ITGAM: variants seen among roughly 807,000 people sequenced by gnomAD.
ITGAM encodes the protein integrin subunit alpha M.
ITGAM carries 79 observed loss-of-function variants against 137.5 expected under a neutral mutation model. The ratio of observed to expected loss-of-function variants is 0.57; its 90% CI spans 0.48 to 0.69. ITGAM has a LOEUF of 0.69. Among genes scored for constraint, ITGAM ranks in the 30% least tolerant of loss-of-function variants. The pLI, the probability that ITGAM is intolerant of heterozygous loss-of-function variation, is 0.00. For synonymous variants in ITGAM, 583 were observed against 592.3 expected (o/e 0.98, Z 0.23); for missense variants, 1,343 against 1,483.5 (o/e 0.91, Z 1.56).
At chr16:31,278,217 C>A in intron 12 of ITGAM, 108 bp downstream of exon 12, 1 of 1,224,974 alleles carries the variant, frequency 8.2e-7, no homozygotes, top group Non-Finnish European at 1.1e-6. Context: ...GTAAAGGAGG[C>A]TTTGGGGGCT....
At chr16:31,319,240 T>G (rs1196889065) in intron 14 of ITGAM, among the ~76,000 whole-genome samples, 1 of 99,722 alleles carries the variant, frequency 1.0e-5, no homozygotes, top group Non-Finnish European at 2.0e-5. Flanking sequence ...CTCCCTTGGG[T>G]TTTTTTTTTG....
intron 14 of ITGAM, among the ~76,000 whole-genome samples, chr16:31,320,739 C>A (rs1018178424): frequency 6.6e-6 from 1 of 152,202 alleles, no homozygotes; most frequent in Admixed American, 6.5e-5. Flanking sequence ...TTTTACCCCC[C>A]ATTCACGCCT....
At chr16:31,317,871 A>G (rs2080408388) in intron 14 of ITGAM, among the ~76,000 whole-genome samples, 1 of 152,090 alleles carries the variant, frequency 6.6e-6, no homozygotes, top group Admixed American at 6.6e-5. Flanking sequence ...GCATGTAGTG[A>G]TCTTTTCTCA....
Position 31,310,028 on chromosome 16 carries a change from G to A in ITGAM, c.1708-11213G>A, listed in dbSNP as rs908188166. 4.0e-5 allele frequency among the ~76,000 whole-genome samples: 6 copies of A among 150,970 alleles called. No homozygotes were observed. In the East Asian group the frequency reaches 9.8e-4, roughly 25 times the overall value. ...AGTTTCTGCTGAGAGAGAAAGTTCG[G>A]GTTACCCACAAAGGGAAGCCCATCA... is the stretch of plus-strand genomic sequence containing the variant. On this transcript the variant is annotated intron_variant, in intron 14 of 29. Coordinates refer to ENST00000544665, the MANE Select transcript of ITGAM (RefSeq NM_000632.4).
At chr16:31,297,444 CAG>C in intron 12 of ITGAM, 68 bp from the exon 13 acceptor site, 2 of 1,597,692 alleles carry the variant, frequency 1.3e-6, no homozygotes, top group South Asian at 1.1e-5. Flanking sequence ...AACTTTTCTT[CAG>C]AGAGAGAAAA....
intron 14 of ITGAM, among the ~76,000 whole-genome samples, chr16:31,299,688 A>G (rs957180458): frequency 2.3e-4 from 35 of 152,300 alleles, no homozygotes; most frequent in African/African-American, 8.4e-4. Flanking sequence ...TTCACTTAGA[A>G]TAACGTCCTC....
chr16:31,291,118 A>G (rs2080082717), intron 12 of ITGAM, among the ~76,000 whole-genome samples: 1 of 152,202 alleles, frequency 6.6e-6, no homozygotes, highest in Admixed American at 6.5e-5. Flanking sequence ...CGAATATTAT[A>G]GTTCCAATAT....
rs41495550 is a variant in ITGAM at position 31,322,528 on chromosome 16, A to G, written c.2002+901A>G. 3.5e-3 allele frequency among the ~76,000 whole-genome samples: 537 copies of G among 152,326 alleles called. 6 individuals carry two copies. Among genetic ancestry groups the G allele is most frequent in the African/African-American group, 0.012 (511 of 41,586 alleles). The stretch of plus-strand genomic sequence containing the variant: ...AGTAGAAAACAGCAACTGAAAAGCC[A>G]AAGAGCTGATCAGAGAATTCAGCAG... On this transcript the variant is annotated intron_variant, in intron 16 of 29. Transcript: ENST00000544665.
chr16:31,286,196 T>C (rs1346660023), intron 12 of ITGAM, among the ~76,000 whole-genome samples: 1 of 152,062 alleles, frequency 6.6e-6, no homozygotes, highest in Non-Finnish European at 1.5e-5. Flanking sequence ...TTTTTTATGG[T>C]GGCGTAGTAT....
At position 31,331,533 on chromosome 16, in the gene ITGAM, G is replaced by A. The variant is rs556141530; in HGVS notation, c.3388-103G>A. 1.6e-4 allele frequency: 107 copies of A among 656,282 alleles called. 1 individual carries two copies. The African/African-American group carries it at 1.8e-3, about 11-fold the overall frequency. 40.7% of individuals were successfully genotyped at this position (656,282 alleles called of 1,614,324 possible). On this transcript the variant is annotated intron_variant, in intron 29 of 29. Transcript: ENST00000544665. ...ACTCCCCTCCCGCCCCGCCCTCCTGGGTCCCTTCTGTCTCTGCCGGCCCTC... is the reference window on the plus strand; with the variant it reads ...ACTCCCCTCCCGCCCCGCCCTCCTGAGTCCCTTCTGTCTCTGCCGGCCCTC...
Position 31,278,034 on chromosome 16 carries a change from G to C in ITGAM, c.1281G>C (p.Gln427His). The C allele has an allele frequency of 6.2e-7, 1 of 1,607,490 alleles. No individual in the cohort carries two copies. The highest frequency in any genetic ancestry group is 1.1e-5 in the South Asian group (1 of 89,594). ...TGGTTCTGGGGGCACCTCGATATCAGCACATCGGCCTGGTAGCGATGTTCA... is the reference window on the plus strand; with the variant it reads ...TGGTTCTGGGGGCACCTCGATATCACCACATCGGCCTGGTAGCGATGTTCA... ...QSLVLGAPRY[Q>H]HIGLVAMFRQ... The change falls in exon 12 of 30, where the codon CAG becomes CAC. Residue 427 changes from glutamine (Q) to histidine (H), a missense_variant. Gln to His is a conservative substitution (Grantham distance 24, BLOSUM62 0). Coordinates refer to ENST00000544665, the MANE Select transcript of ITGAM (RefSeq NM_000632.4).
In ITGAM at chr16:31,330,125, C is replaced by T. The variant is rs1450678529; in HGVS notation, c.3021C>T (p.His1007=). The change falls in exon 26 of 30, where the codon CAC becomes CAT. Residue 1007 remains histidine, a synonymous_variant. Coordinates refer to ENST00000544665, the MANE Select transcript of ITGAM (RefSeq NM_000632.4). ...TCHTKERLPS[H]SDFLAELRKA... ...ACACCAAGGAGCGCTTGCCCTCTCA[C>T]TCCGACTTTCTGGCTGAGCTTCGGA... 6.2e-7 allele frequency: 1 copy of T among 1,613,750 alleles called. No homozygotes were observed. Among genetic ancestry groups the T allele is most frequent in the African/African-American group, 1.3e-5 (1 of 74,934 alleles).
At chr16:31,282,952 G>A (rs1367945502) in intron 12 of ITGAM, among the ~76,000 whole-genome samples, 5 of 152,170 alleles carry the variant, frequency 3.3e-5, no homozygotes, top group African/African-American at 1.2e-4. Flanking sequence ...TGTCTGTAAA[G>A]TATTTTATTT....
rs2080479233 is a variant in ITGAM, at chr16:31,324,122, GAAGGAAGGA to G, written c.2003-264_2003-256del. Among the ~76,000 whole-genome samples, 2 of 148,860 alleles carry G rather than the reference GAAGGAAGGA, an allele frequency of 1.3e-5. No homozygotes were observed. Among genetic ancestry groups the G allele is most frequent in the African/African-American group, 5.0e-5 (2 of 40,322 alleles). On this transcript the variant is annotated intron_variant, in intron 16 of 29. Coordinates refer to ENST00000544665, the MANE Select transcript of ITGAM (RefSeq NM_000632.4). This position sits in a 1 kb window ranked among gnomAD's most constrained non-coding sequence, Gnocchi z 4.5. ...GAAGAAAAGGAAGGAAGGAAGAAGGGAAGGAAGGAAAGGAAGGAAAGTAGGAAAGGAAGG... is the reference window on the plus strand; with the variant it reads ...GAAGAAAAGGAAGGAAGGAAGAAGGGAAGGAAGGAAAGTAGGAAAGGAAGG...
intron 14 of ITGAM, among the ~76,000 whole-genome samples, chr16:31,306,558 C>T (rs2080266838): frequency 1.3e-5 from 2 of 150,964 alleles, no homozygotes; most frequent in South Asian, 4.2e-4. Flanking sequence ...CTGTTGCCCA[C>T]ACTGGAGTAC....
chr16:31,305,477 G>A (rs960215076), intron 14 of ITGAM, among the ~76,000 whole-genome samples: 1 of 151,964 alleles, frequency 6.6e-6, no homozygotes, highest in Non-Finnish European at 1.5e-5. Flanking sequence ...GATTTGGCTG[G>A]GACTTTCAGT....
At position 31,265,985 on chromosome 16, in the gene ITGAM, G is replaced by A. The variant is rs2038726453; in HGVS notation, c.310-45G>A. 7 of 1,597,722 alleles carry A rather than the reference G, an allele frequency of 4.4e-6. No individual in the cohort carries two copies. In the Admixed American group the frequency reaches 1.0e-4, roughly 23 times the overall value. On this transcript the variant is annotated intron_variant, in intron 4 of 29. Coordinates refer to ENST00000544665, the MANE Select transcript of ITGAM (RefSeq NM_000632.4). ...GAGGGTGGAGGTGCTGGGGTACAAG[G>A]ACAGGAAGCAGGGGCAGCCCCTTCC...
intron 29 of ITGAM, 81 bp from the exon 30 acceptor site, chr16:31,331,555 C>T (rs1378913235): frequency 6.2e-6 from 5 of 801,366 alleles, no homozygotes; most frequent in Non-Finnish European, 1.0e-5. Flanking sequence ...CTCTGCCGGC[C>T]CTCCCGCCCC....
chr16:31,286,068 T>C (rs1428727185), intron 12 of ITGAM, among the ~76,000 whole-genome samples: 1 of 152,170 alleles, frequency 6.6e-6, no homozygotes, highest in Non-Finnish European at 1.5e-5. Flanking sequence ...ACCCAGTGTT[T>C]AGCTCCCACT....
Sources: allele counts gnomAD v4.1 joint callset (sites outside exome capture counted in the v4.1 genomes callset), GRCh38; gene constraint gnomAD v4.1.1; non-coding constraint Gnocchi (gnomAD v3.1); transcripts MANE v1.5; gene names NCBI Gene and HGNC (gene_info 2026-07-23, HGNC 2026-07-21).